APC2: variants seen among roughly 807,000 people sequenced by gnomAD.
The protein encoded by APC2 is adenomatous polyposis coli protein 2.
In APC2, 41 loss-of-function variants were observed where a neutral mutation model predicts 72.5. The ratio of observed to expected loss-of-function variants is 0.57; its 90% CI spans 0.44 to 0.73. APC2 has a LOEUF of 0.73. APC2 is among the 30% of genes least tolerant of loss of function. APC2 has a pLI of 0.00. For missense variants in APC2, 3,729 were observed against 3,403.4 expected, an observed-to-expected ratio of 1.10 and a Z score of -2.38; for synonymous variants, 1,898 against 1,612.0, an observed-to-expected ratio of 1.18 and a Z score of -4.25.
chr19:1,449,313 G>C (rs967108000), upstream of APC2, among the ~76,000 whole-genome samples: 1 of 152,272 alleles, frequency 6.6e-6, no homozygotes, highest in East Asian at 1.9e-4. Flanking sequence ...CGAGCTGCAG[G>C]GACGGGCTCT....
At chr19:1,461,579 G>C (rs1157150310) in intron 13 of APC2, 1 of 310,628 alleles carries the variant, frequency 3.2e-6, no homozygotes, top group South Asian at 4.2e-5. Context: ...TGGGCCGGGC[G>C]CGGTGGCTCT....
chr19:1,460,315 A>C lies in APC2; in HGVS notation c.1438A>C (p.Asn480His). 6.2e-7 allele frequency: 1 copy of C among 1,613,388 alleles called. No homozygotes were observed. The highest frequency in any genetic ancestry group is 8.5e-7 in the Non-Finnish European group (1 of 1,179,986). The change falls in exon 11 of 15, where the codon AAC becomes CAC. Residue 480 changes from asparagine (N) to histidine (H), a missense_variant. By Grantham distance (68) the Asn-to-His change is moderately conservative. Transcript: ENST00000590469. ...CAACCTCACCTTTGGGGACGTTGCC[A>C]ACAAGGTGCCCGGGGGCAGTGGGTG... ...LTNLTFGDVA[N>H]KATLCARRGC...
Position 1,452,640 on chromosome 19 carries a change from G to T in APC2, c.-18-344G>T, listed in dbSNP as rs977002404. The T allele has an allele frequency of 1.7e-5, 4 of 239,822 alleles. No homozygotes were observed. In the East Asian group the frequency reaches 4.0e-4, roughly 24 times the overall value. The allele number at this position is 239,822 out of a possible 1,614,324, so 14.9% of individuals were successfully genotyped here. A position where few individuals can be genotyped will look rare whatever the true frequency, so the allele number is the denominator to read the frequency against. ...GGCTGTCCCAGCTGTCTGTGTGTTTGTCCGGCTGTCAGGATGTGTCCTGGG... is the reference window on the plus strand; with the variant it reads ...GGCTGTCCCAGCTGTCTGTGTGTTTTTCCGGCTGTCAGGATGTGTCCTGGG... On this transcript the variant is annotated intron_variant, in intron 1 of 14. Transcript: ENST00000590469. This position sits in a 1 kb window ranked among gnomAD's most constrained non-coding sequence, Gnocchi z 5.1.
chr19:1,449,252 C>T (rs569817988), upstream of APC2, among the ~76,000 whole-genome samples: 1 of 152,312 alleles, frequency 6.6e-6, no homozygotes, highest in South Asian at 2.1e-4. Context: ...TGGCCCCAGT[C>T]GCCTCCCTTT....
intron 13 of APC2, chr19:1,461,575 G>C (rs748125950): frequency 2.8e-4 from 88 of 310,834 alleles, no homozygotes; most frequent in Non-Finnish European, 4.4e-4. Context: ...TCACTGGGCC[G>C]GGCGCGGTGG....
chr19:1,451,885 G>A (rs570222820), intron 1 of APC2: 1 of 152,656 alleles, frequency 6.6e-6, no homozygotes, highest in South Asian at 2.1e-4. Flanking sequence ...GGGAGGGGAG[G>A]GGATGAGGGG....
chr19:1,469,285 TA>T lies in APC2; in HGVS notation c.5986del (p.Thr1996ProfsTer339). The T allele has an allele frequency of 7.0e-7, 1 of 1,422,570 alleles. No individual in the cohort carries two copies. The highest frequency in any genetic ancestry group is 9.2e-7 in the Non-Finnish European group (1 of 1,085,550). 88.1% of individuals were successfully genotyped at this position (1,422,570 alleles called of 1,614,324 possible). Reference sequence around the variant, plus strand: ...GACCGCTCGGGCTTCCGGCGACAGCTAACCTTCATCAAGGAGTCGCCGGGCT... The same window carrying T: ...GACCGCTCGGGCTTCCGGCGACAGCTACCTTCATCAAGGAGTCGCCGGGCT... ...SSDRSGFRRQ[L>X]TFIKESPGLR... On this transcript the variant is annotated frameshift_variant, in exon 15 of 15. Coordinates refer to ENST00000590469, the MANE Select transcript of APC2 (RefSeq NM_005883.3). LOFTEE classifies it low-confidence loss of function (END_TRUNC).
At chr19:1,455,285 G>T in intron 5 of APC2, 28 bp downstream of exon 5, 1 of 1,563,256 alleles carries the variant, frequency 6.4e-7, no homozygotes. Context: ...CCAGGGGGCA[G>T]CGCGCCCGCC....
chr19:1,468,085 C>A lies in APC2; in HGVS notation c.4784C>A (p.Pro1595Gln), dbSNP rs1169020585. 2 of 1,547,576 alleles carry A rather than the reference C, an allele frequency of 1.3e-6. No homozygotes were observed. Among genetic ancestry groups the A allele is most frequent in the Non-Finnish European group, 1.7e-6 (2 of 1,156,294 alleles). Residue 1595 changes from proline (P) to glutamine (Q), a missense_variant, in exon 15 of 15, where the codon CCG (proline) becomes CAG (glutamine). By Grantham distance (76) the Pro-to-Gln change is moderately conservative. Coordinates refer to ENST00000590469, the MANE Select transcript of APC2 (RefSeq NM_005883.3). ...SLSEPEPSEP[P>Q]AVHPRGREPA... ...AGCGAGCCCGAGCCCTCGGAGCCGC[C>A]GGCCGTCCATCCACGAGGCCGGGAG...
chr19:1,457,569 A>G, intron 9 of APC2: 1 of 508,788 alleles, frequency 2.0e-6, no homozygotes, highest in East Asian at 3.7e-5. Flanking sequence ...GCTGTGACTC[A>G]CACCTGTGAT....
Position 1,472,141 on chromosome 19 carries a change from CCT to C in APC2, c.*1929_*1930del, listed in dbSNP as rs1222520722. On this transcript the variant is annotated 3_prime_UTR_variant, in exon 15 of 15. Coordinates refer to ENST00000590469, the MANE Select transcript of APC2 (RefSeq NM_005883.3). ...GCGACCTCCTGCCTGCCAGGAGCCC[CCT>C]TTCAGGACACAGCGGGGGTCTCACA... 8 of 152,286 alleles carry C rather than the reference CCT, an allele frequency of 5.3e-5. No individual in the cohort carries two copies. Among genetic ancestry groups the C allele is most frequent in the Non-Finnish European group, 8.8e-5 (6 of 68,082 alleles). 9.4% of individuals were successfully genotyped at this position (152,286 alleles called of 1,614,324 possible).
intron 11 of APC2, 103 bp downstream of exon 11, chr19:1,460,423 G>A: frequency 3.9e-6 from 6 of 1,538,622 alleles, no homozygotes; most frequent in Non-Finnish European, 4.4e-6. Context: ...CTGAGAGCTG[G>A]GGCCACTTGT....
chr19:1,446,573 C>A (rs1318116087), upstream of APC2, among the ~76,000 whole-genome samples: 1 of 152,102 alleles, frequency 6.6e-6, no homozygotes, highest in African/African-American at 2.4e-5. This position sits in a 1 kb window ranked among gnomAD's most constrained non-coding sequence, Gnocchi z 6.1. Context: ...ACCCCCAGCC[C>A]CGGGTCTGCG....
At chr19:1,462,932 C>G (rs1432031417) in intron 14 of APC2, among the ~76,000 whole-genome samples, 5 of 149,890 alleles carry the variant, frequency 3.3e-5, no homozygotes, top group African/African-American at 1.2e-4. Flanking sequence ...GATTGTGCCA[C>G]TGCACTCCAG....
chr19:1,446,567 C>T (rs2083689265), upstream of APC2, among the ~76,000 whole-genome samples: 1 of 151,930 alleles, frequency 6.6e-6, no homozygotes, highest in Non-Finnish European at 1.5e-5. This position sits in a 1 kb window ranked among gnomAD's most constrained non-coding sequence, Gnocchi z 6.1. Flanking sequence ...GCTGCGACCC[C>T]CAGCCCCGGG....
intron 4 of APC2, among the ~76,000 whole-genome samples, chr19:1,454,834 T>C (rs969323297): frequency 3.3e-5 from 5 of 152,116 alleles, no homozygotes; most frequent in African/African-American, 4.8e-5. Context: ...CTCAAAGTGC[T>C]GGGATTACAG....
At position 1,452,873 on chromosome 19, in the gene APC2, A is replaced by C. The variant is rs1022515389; in HGVS notation, c.-18-111A>C. The C allele has an allele frequency of 4.9e-5, 65 of 1,331,640 alleles. 1 individual carries two copies. Among genetic ancestry groups the C allele is most frequent in the Middle Eastern group, 2.7e-4 (1 of 3,744 alleles). 82.5% of individuals were successfully genotyped at this position (1,331,640 alleles called of 1,614,324 possible). A position where few individuals can be genotyped will look rare whatever the true frequency, so the allele number is the denominator to read the frequency against. On this transcript the variant is annotated intron_variant, in intron 1 of 14. Coordinates refer to ENST00000590469, the MANE Select transcript of APC2 (RefSeq NM_005883.3). This position sits in a 1 kb window ranked among gnomAD's most constrained non-coding sequence, Gnocchi z 5.1. ...TGACTCCTGCCTGAGACCCCCCCCA[A>C]CCCAGGATCAGGCAGGACGGCTGGG...
intron 1 of APC2, chr19:1,451,448 T>C (rs8103613): frequency 0.38 from 58,268 of 152,394 alleles, 11,730 homozygotes; most frequent in African/African-American, 0.52. Flanking sequence ...TGATCCCCAC[T>C]GGAGACCTGA....
rs1044544870 is a variant in APC2 at position 1,455,981 on chromosome 19, G to T, written c.640-95G>T. The T allele has an allele frequency of 1.3e-5, 17 of 1,328,178 alleles. No individual in the cohort carries two copies. The Admixed American group carries it at 2.0e-4, about 15-fold the overall frequency. The allele number at this position is 1,328,178 out of a possible 1,614,324, so 82.3% of individuals were successfully genotyped here. On this transcript the variant is annotated intron_variant, in intron 6 of 14. Coordinates refer to ENST00000590469, the MANE Select transcript of APC2 (RefSeq NM_005883.3). ...GGCGGGGTTATCAGGAAGAGGCGGG[G>T]TCAGAGCCCAGGGTGGGGTCATCCC... is the stretch of plus-strand genomic sequence containing the variant.
Sources: gnomAD v4.1 joint callset for allele counts (sites outside exome capture counted in the v4.1 genomes callset) on GRCh38, gnomAD v4.1.1 for gene constraint, Gnocchi (gnomAD v3.1) non-coding constraint, MANE v1.5 for transcripts, NCBI Gene and HGNC (gene_info 2026-07-23, HGNC 2026-07-21) for gene names.